The following ADA2 variants were observed in gnomAD, a reference collection of about 807,000 sequenced individuals.
ADA2 encodes adenosine deaminase 2.
In ADA2, 29 loss-of-function variants were observed where a neutral mutation model predicts 44.2. The observed-to-expected ratio is 0.66, with a 90% CI of 0.49 to 0.89. The LOEUF is 0.89. Among genes scored for constraint, ADA2 ranks in the 40% least tolerant of loss-of-function variants. The probability of loss-of-function intolerance (pLI) is 0.00; values close to 1 mark genes in which losing one functional copy is unlikely to be tolerated. For missense variants in ADA2, 637 were observed against 644.8 expected (o/e 0.99, Z 0.13); for synonymous variants, 215 against 234.9 (o/e 0.92, Z 0.77).
intron 1 of ADA2, among the ~76,000 whole-genome samples, chr22:17,211,325 C>G (rs1441222027): frequency 5.9e-5 from 9 of 151,872 alleles, no homozygotes; most frequent in African/African-American, 2.2e-4. Context: ...CGCCACTGCA[C>G]TCCAGCCTGG....
At chr22:17,213,606 G>T in intron 1 of ADA2, 1 of 281,594 alleles carries the variant, frequency 3.6e-6, no homozygotes, top group South Asian at 3.5e-5. Flanking sequence ...GAAGGACAAA[G>T]ACAAAGCTAA....
chr22:17,207,238 C>T lies in ADA2; in HGVS notation c.375G>A (p.Val125=), dbSNP rs1158897101. 2.5e-6 allele frequency: 4 copies of T among 1,613,418 alleles called. No individual in the cohort carries two copies. Among genetic ancestry groups the T allele is most frequent in the Non-Finnish European group, 3.4e-6 (4 of 1,179,490 alleles). The part of the protein sequence containing the change: ...DIGIVTMDWL[V]RNVTYRPHCH... ...AGTGAGGCCTGTAGGTGACATTCCT[C>T]ACCAGCCAGTCCATAGTCACGATGC... The change falls in exon 3 of 10, where the codon GTG becomes GTA. Residue 125 remains valine (V), a synonymous_variant. Transcript: ENST00000399837.
At chr22:17,191,031 C>T (rs1432289373) in intron 5 of ADA2, among the ~76,000 whole-genome samples, 3 of 152,238 alleles carry the variant, frequency 2.0e-5, no homozygotes, top group African/African-American at 4.8e-5. Flanking sequence ...TGCCTGACTC[C>T]GAGGGACCCC....
At chr22:17,193,064 G>A in intron 4 of ADA2, 6 of 838,470 alleles carry the variant, frequency 7.2e-6, no homozygotes, top group South Asian at 2.9e-5. Context: ...GCCAGATCTC[G>A]ATGCCCAACA....
intron 4 of ADA2, among the ~76,000 whole-genome samples, chr22:17,199,937 G>C (rs1198795883): frequency 6.6e-6 from 1 of 152,132 alleles, no homozygotes; most frequent in African/African-American, 2.4e-5. Flanking sequence ...GCTCACGCCT[G>C]TAATCCCAGC....
At chr22:17,187,527 G>A (rs1214632848) in intron 7 of ADA2, among the ~76,000 whole-genome samples, 2 of 151,980 alleles carry the variant, frequency 1.3e-5, no homozygotes, top group East Asian at 1.9e-4. Flanking sequence ...TGGGTTTAAA[G>A]AGATCCACCC....
intron 2 of ADA2, among the ~76,000 whole-genome samples, chr22:17,208,222 G>A (rs555017432): frequency 2.0e-5 from 3 of 150,370 alleles, no homozygotes; most frequent in African/African-American, 4.9e-5. Context: ...TCAGGAGTTC[G>A]AGACCAGCCT....
intron 8 of ADA2, 81 bp downstream of exon 8, chr22:17,182,523 G>A: frequency 1.4e-6 from 2 of 1,379,774 alleles, no homozygotes; most frequent in Admixed American, 1.7e-5. Context: ...GGAGAGATAA[G>A]TTATACAGCA....
chr22:17,216,358 C>T (rs984044411), intron 1 of ADA2, among the ~76,000 whole-genome samples: 1 of 150,828 alleles, frequency 6.6e-6, no homozygotes, highest in African/African-American at 2.5e-5. Flanking sequence ...GAGTGAAACC[C>T]TATCTGCCCC....
intron 7 of ADA2, among the ~76,000 whole-genome samples, chr22:17,185,893 G>A (rs1474543839): frequency 1.3e-5 from 2 of 152,278 alleles, no homozygotes; most frequent in East Asian, 1.9e-4. Context: ...TCCTGGTCCC[G>A]GCCTCCATGT....
chr22:17,219,660 G>GTTTTTTTT (rs1476817588), upstream of ADA2: 2 of 86,940 alleles, frequency 2.3e-5, no homozygotes, highest in Admixed American at 1.5e-4. Flanking sequence ...GTGCATGTGG[G>GTTTTTTTT]GTTTGTTTTT....
intron 1 of ADA2, among the ~76,000 whole-genome samples, chr22:17,215,535 G>A (rs976305025): frequency 1.3e-5 from 2 of 151,970 alleles, no homozygotes; most frequent in Non-Finnish European, 2.9e-5. Flanking sequence ...GAACCCAGGA[G>A]GCGGAGGTTG....
chr22:17,212,940 C>G (rs1173598222), intron 1 of ADA2, among the ~76,000 whole-genome samples: 6 of 142,820 alleles, frequency 4.2e-5, no homozygotes, highest in Middle Eastern at 3.2e-3. Flanking sequence ...GAGTGTAGTA[C>G]CACTACACTC....
At chr22:17,185,978 T>C (rs2123621211) in intron 7 of ADA2, among the ~76,000 whole-genome samples, 1 of 152,276 alleles carries the variant, frequency 6.6e-6, no homozygotes, top group South Asian at 2.1e-4. Flanking sequence ...GTTTACACAT[T>C]TTAAGGACTG....
rs368615054 is a variant in ADA2, at chr22:17,189,980, G to A, written c.934C>T (p.Arg312Ter). 1.7e-5 allele frequency: 27 copies of A among 1,613,844 alleles called. No individual in the cohort carries two copies. Among genetic ancestry groups the A allele is most frequent in the African/African-American group, 8.0e-5 (6 of 74,906 alleles). ...GCCACCACCGTGGGGAACTTGATTCGGAGCCCCATGGCCATTCGGATGGAT... is the reference window on the plus strand; with the variant it reads ...GCCACCACCGTGGGGAACTTGATTCAGAGCCCCATGGCCATTCGGATGGAT... ...AESIRMAMGL[R>*]IKFPTVVAGF... is the part of the protein sequence containing the mutation. Residue 312 changes from arginine (R) to a stop codon, truncating the protein, a stop_gained, in exon 6 of 10, where the codon CGA becomes TGA. Transcript: ENST00000399837. LOFTEE classifies it high-confidence loss of function.
chr22:17,218,588 A>C (rs1298571884), intron 1 of ADA2, among the ~76,000 whole-genome samples: 5 of 152,030 alleles, frequency 3.3e-5, no homozygotes, highest in Non-Finnish European at 5.9e-5. Flanking sequence ...CTGGTGACAC[A>C]TAACAAAGGC....
chr22:17,181,856 A>T lies in ADA2; in HGVS notation c.1406T>A (p.Leu469Gln). ...FMGIGGMKAD[L>Q]RTLKQLAMNS... ...CATGGCCAGCTGTTTGAGGGTCCTC[A>T]GGTCAGCCTTCATCCCCCCAATGCC... is the stretch of plus-strand genomic sequence containing the variant. The change falls in exon 9 of 10, where the codon CTG (leucine) becomes CAG (glutamine). Residue 469 changes from leucine to glutamine, a missense_variant. By Grantham distance (113) the Leu-to-Gln change is moderately radical. Transcript: ENST00000399837. 6.2e-7 allele frequency: 1 copy of T among 1,614,050 alleles called. No individual in the cohort carries two copies. The highest frequency in any genetic ancestry group is 8.5e-7 in the Non-Finnish European group (1 of 1,180,008).
intron 4 of ADA2, chr22:17,193,395 G>T: frequency 2.4e-6 from 1 of 414,950 alleles, no homozygotes; most frequent in South Asian, 2.6e-5. Flanking sequence ...AGGACAGCGC[G>T]GTGGCTCACG....
intron 3 of ADA2, 25 bp from the exon 4 acceptor site, chr22:17,203,798 T>C (rs377607692): frequency 6.4e-7 from 1 of 1,557,888 alleles, no homozygotes; most frequent in African/African-American, 1.4e-5. Context: ...AAGTGGGGAG[T>C]GGCAGAGGCA....
Sources: allele counts gnomAD v4.1 joint callset (sites outside exome capture counted in the v4.1 genomes callset), GRCh38; gene constraint gnomAD v4.1.1; transcripts MANE v1.5; gene names NCBI Gene and HGNC (gene_info 2026-07-23, HGNC 2026-07-21).